The following KAZN variants were observed in gnomAD, a reference collection of about 807,000 sequenced individuals.
KAZN encodes the protein kazrin.
In KAZN, 40 loss-of-function variants were observed where a neutral mutation model predicts 87.4. The observed-to-expected ratio is 0.46, with a 90% confidence interval of 0.36 to 0.60. The LOEUF is 0.60. Among genes scored for constraint, KAZN ranks in the 20% least tolerant of loss-of-function variants. The pLI is 0.00. For missense variants in KAZN, 898 were observed against 1,073.9 expected, an observed-to-expected ratio of 0.84 and a Z score of 2.29; for synonymous variants, 466 against 458.3, an observed-to-expected ratio of 1.02 and a Z score of -0.22.
intron 2 of KAZN, among the ~76,000 whole-genome samples, chr1:15,000,246 C>A (rs530712004): frequency 3.6e-4 from 54 of 150,022 alleles, no homozygotes; most frequent in Admixed American, 1.1e-3. Flanking sequence ...TGCAGGCGGC[C>A]TCTAAAGGCT....
intron 1 of KAZN, among the ~76,000 whole-genome samples, chr1:14,845,823 G>C (rs958805865): frequency 6.6e-6 from 1 of 152,158 alleles, no homozygotes; most frequent in Non-Finnish European, 1.5e-5. Flanking sequence ...GGGAGCTGGA[G>C]ACAGCTGGAG....
intron 1 of KAZN, among the ~76,000 whole-genome samples, chr1:14,121,280 T>C (rs80211096): frequency 6.6e-6 from 1 of 152,354 alleles, no homozygotes; most frequent in African/African-American, 2.4e-5. Flanking sequence ...AAACCTCTTC[T>C]GTTGGTCAGC....
chr1:14,564,545 C>A (rs191741617), intron 2 of KAZN, among the ~76,000 whole-genome samples: 2 of 152,186 alleles, frequency 1.3e-5, no homozygotes, highest in Admixed American at 1.3e-4. Flanking sequence ...GTGGCTCATG[C>A]CTGTAATCCC....
intron 1 of KAZN, among the ~76,000 whole-genome samples, chr1:14,083,094 C>G (rs1266947860): frequency 1.3e-5 from 2 of 152,032 alleles, no homozygotes; most frequent in Non-Finnish European, 2.9e-5. Context: ...CGGGAGGTTT[C>G]CCTGCCACCT....
At chr1:14,060,534 G>T (rs558102151) in intron 1 of KAZN, among the ~76,000 whole-genome samples, 2 of 152,240 alleles carry the variant, frequency 1.3e-5, no homozygotes, top group East Asian at 3.9e-4. Flanking sequence ...TAATTCAAGG[G>T]TTTGTAGAGA....
In KAZN at chr1:15,033,949, A is replaced by C. The variant is rs1671989030; in HGVS notation, c.419-800A>C. Among the ~76,000 whole-genome samples, 4 of 152,322 alleles carry C rather than the reference A, an allele frequency of 2.6e-5. No individual in the cohort carries two copies. The South Asian group carries it at 8.3e-4, about 32-fold the overall frequency. On this transcript the variant is annotated intron_variant, in intron 2 of 14. Coordinates refer to ENST00000376030, the MANE Select transcript of KAZN (RefSeq NM_201628.3). ...GAGAGGGGGTTTCACCATGTTGGCC[A>C]GGCTGGTCTCAAGCTCCTGATCTCA...
At chr1:14,850,718 G>A (rs972760049) in intron 1 of KAZN, among the ~76,000 whole-genome samples, 66 of 152,300 alleles carry the variant, frequency 4.3e-4, no homozygotes, top group Non-Finnish European at 2.2e-4. Context: ...GTTTGAATGA[G>A]TGGCTCTGTT....
rs1280796878 is a variant in KAZN at position 14,586,559 on chromosome 1, T to A, written c.250-12424T>A. On this transcript the variant is annotated intron_variant, in intron 2 of 16. Coordinates refer to the KAZN transcript ENST00000636203. ...TTTTTTTTTTTTAGAGATAGAGTCT[T>A]ATTCTGTTGCTCAGGTGCTGGAGTG... Among the ~76,000 whole-genome samples, 3 of 149,970 alleles carry A rather than the reference T, an allele frequency of 2.0e-5. No individual in the cohort carries two copies. The Admixed American group carries it at 2.0e-4, about 10-fold the overall frequency.
intron 2 of KAZN, among the ~76,000 whole-genome samples, chr1:14,294,172 C>T (rs1269998300): frequency 1.3e-5 from 2 of 152,156 alleles, no homozygotes; most frequent in South Asian, 2.1e-4. Flanking sequence ...ATTCTGAGCC[C>T]AGGGCCAACT....
At chr1:15,072,578 T>G (rs1296184221) in intron 8 of KAZN, among the ~76,000 whole-genome samples, 1 of 152,200 alleles carries the variant, frequency 6.6e-6, no homozygotes, top group African/African-American at 2.4e-5. Context: ...ACTTATGCAG[T>G]ATTTTCTTTG....
At chr1:15,010,595 T>C (rs1669482420) in intron 2 of KAZN, among the ~76,000 whole-genome samples, 1 of 152,164 alleles carries the variant, frequency 6.6e-6, no homozygotes, top group African/African-American at 2.4e-5. Context: ...GGTTTCACCA[T>C]GTTAGCCAGG....
At chr1:14,713,795 A>AAAG (rs1385875051) in intron 1 of KAZN, among the ~76,000 whole-genome samples, 2 of 121,788 alleles carry the variant, frequency 1.6e-5, no homozygotes, top group Admixed American at 8.1e-5. Context: ...AAAAAAAAAA[A>AAAG]AAAAAGAAAG....
In KAZN at chr1:14,735,215, A is replaced by G. The variant is rs1643865850; in HGVS notation, c.226+135992A>G. Among the ~76,000 whole-genome samples, 1 of 152,050 alleles carries G rather than the reference A, an allele frequency of 6.6e-6. No homozygotes were observed. The highest frequency in any genetic ancestry group is 2.1e-4 in the South Asian group (1 of 4,808). ...GCTGGGACTACAGGCACCCGCCACC[A>G]TGCCCGGCTAATTTTTTTGTATTTT... is the stretch of plus-strand genomic sequence containing the variant. On this transcript the variant is annotated intron_variant, in intron 1 of 14. Transcript: ENST00000376030. This position sits in a 1 kb window ranked among gnomAD's most constrained non-coding sequence, Gnocchi z 4.3.
intron 2 of KAZN, among the ~76,000 whole-genome samples, chr1:14,371,275 C>T (rs573382550): frequency 2.4e-3 from 362 of 152,260 alleles, no homozygotes; most frequent in Non-Finnish European, 4.0e-3. Context: ...GCTTTTCATG[C>T]CTCTTATGGG....
At chr1:14,905,270 G>C (rs567291669) in intron 1 of KAZN, among the ~76,000 whole-genome samples, 2 of 152,280 alleles carry the variant, frequency 1.3e-5, no homozygotes, top group South Asian at 4.1e-4. Context: ...TAATGGCCAG[G>C]CTGGTCTCAA....
chr1:14,504,537 T>C (rs1462154165), intron 2 of KAZN, among the ~76,000 whole-genome samples: 1 of 151,874 alleles, frequency 6.6e-6, no homozygotes, highest in Non-Finnish European at 1.5e-5. Flanking sequence ...CAACACGGAG[T>C]GGAAGCAGCT....
intron 1 of KAZN, among the ~76,000 whole-genome samples, chr1:13,923,704 G>C (rs905729821): frequency 6.6e-6 from 1 of 151,928 alleles, no homozygotes. Flanking sequence ...TGGTCTCGCT[G>C]TCTTAGGGGC....
chr1:14,797,253 G>A (rs887143125), intron 1 of KAZN, among the ~76,000 whole-genome samples: 2 of 151,986 alleles, frequency 1.3e-5, no homozygotes, highest in African/African-American at 4.8e-5. Flanking sequence ...TAGAGACGGG[G>A]TTTCACCATG....
At chr1:14,940,863 G>A (rs950307053) in intron 1 of KAZN, among the ~76,000 whole-genome samples, 5 of 151,004 alleles carry the variant, frequency 3.3e-5, no homozygotes, top group African/African-American at 1.2e-4. Context: ...TGGCCAGGCA[G>A]GTGGAAATGA....
Sources: allele counts gnomAD v4.1 joint callset (sites outside exome capture counted in the v4.1 genomes callset), GRCh38; gene constraint gnomAD v4.1.1; non-coding constraint Gnocchi (gnomAD v3.1); transcripts MANE v1.5; gene names NCBI Gene and HGNC (gene_info 2026-07-23, HGNC 2026-07-21).